Variants in SEL1L3 observed in about 807,000 individuals in gnomAD.
SEL1L3 encodes SEL1L family member 3.
Under a neutral mutation model 142.8 loss-of-function variants are expected in SEL1L3, and 76 were observed. The observed-to-expected ratio is 0.53, with a 90% confidence interval of 0.44 to 0.64. SEL1L3 has a LOEUF of 0.64. SEL1L3 is among the 30% of genes least tolerant of loss of function. The pLI, the probability that SEL1L3 is intolerant of heterozygous loss-of-function variation, is 0.00. For missense variants in SEL1L3, 1,262 were observed against 1,381.7 expected (o/e 0.91, Z 1.37); for synonymous variants, 504 against 519.6 (o/e 0.97, Z 0.41).
At chr4:25,813,336 G>A (rs1248091632) in intron 9 of SEL1L3, among the ~76,000 whole-genome samples, 4 of 152,188 alleles carry the variant, frequency 2.6e-5, no homozygotes, top group Non-Finnish European at 2.9e-5. Flanking sequence ...TAAATAAAGT[G>A]TGGTATAAAC....
intron 20 of SEL1L3, among the ~76,000 whole-genome samples, chr4:25,764,203 A>G (rs1718569139): frequency 6.6e-6 from 1 of 152,222 alleles, no homozygotes; most frequent in Non-Finnish European, 1.5e-5. Context: ...TTCTTCAAGT[A>G]TCAAGAGTCA....
chr4:25,726,344 A>G, the SEL1L3 span, among the ~76,000 whole-genome samples: 1 of 152,118 alleles, frequency 6.6e-6, no homozygotes, highest in South Asian at 2.1e-4. Context: ...CCTGACCAAC[A>G]TGGTGAAACC....
downstream of SEL1L3, among the ~76,000 whole-genome samples, chr4:25,743,682 A>T (rs1178262617): frequency 1.3e-5 from 2 of 152,222 alleles, no homozygotes; most frequent in African/African-American, 4.8e-5. Context: ...GCTTTTCCAA[A>T]GGAGCCAATC....
chr4:25,794,417 AG>A (rs1359376439), intron 11 of SEL1L3, among the ~76,000 whole-genome samples: 8 of 152,250 alleles, frequency 5.3e-5, no homozygotes, highest in Admixed American at 2.6e-4. Context: ...CAACAAATGT[AG>A]GGGAAAAAAA....
At chr4:25,856,944 G>A (rs903747144) in intron 1 of SEL1L3, among the ~76,000 whole-genome samples, 1 of 152,144 alleles carries the variant, frequency 6.6e-6, no homozygotes, top group Non-Finnish European at 1.5e-5. Flanking sequence ...ATCTTGCTAC[G>A]GGAAGTTCAT....
the SEL1L3 span, among the ~76,000 whole-genome samples, chr4:25,738,925 G>A: frequency 8.5e-5 from 13 of 152,254 alleles, no homozygotes; most frequent in Admixed American, 5.9e-4. Flanking sequence ...CTGGAGGTTG[G>A]CTGGGCACAG....
intron 2 of SEL1L3, among the ~76,000 whole-genome samples, chr4:25,835,966 A>G (rs1182215176): frequency 6.6e-6 from 1 of 152,188 alleles, no homozygotes; most frequent in Non-Finnish European, 1.5e-5. Context: ...TCGAAAACTG[A>G]GCATCAGAGA....
At chr4:25,834,382 G>A (rs1444454895) in intron 3 of SEL1L3, among the ~76,000 whole-genome samples, 4 of 152,202 alleles carry the variant, frequency 2.6e-5, no homozygotes, top group African/African-American at 4.8e-5. Flanking sequence ...ATTACATTTT[G>A]TATGTGAAAC....
chr4:25,826,921 C>G (rs1459658878), intron 6 of SEL1L3, among the ~76,000 whole-genome samples: 1 of 152,164 alleles, frequency 6.6e-6, no homozygotes, highest in African/African-American at 2.4e-5. Flanking sequence ...GCCTCAGCCT[C>G]CCAAAGTGCT....
At chr4:25,777,586 C>T (rs909599016) in intron 16 of SEL1L3, 1 of 321,112 alleles carries the variant, frequency 3.1e-6, no homozygotes, top group East Asian at 8.2e-5. Context: ...TGACCATATA[C>T]CAATCATAAA....
chr4:25,784,207 CT>C lies in SEL1L3; in HGVS notation c.2280+20del. The C allele has an allele frequency of 6.3e-7, 1 of 1,599,980 alleles. No individual in the cohort carries two copies. The highest frequency in any genetic ancestry group is 8.6e-7 in the Non-Finnish European group (1 of 1,167,174). On this transcript the variant is annotated intron_variant, in intron 14 of 23. Transcript: ENST00000399878. The stretch of plus-strand genomic sequence containing the variant: ...GAGTGTGTGGTGGAACTGTTTCCCT[CT>C]GACAATATGCATGTGTTACCTTGGA...
the SEL1L3 span, among the ~76,000 whole-genome samples, chr4:25,714,727 T>G: frequency 5.3e-5 from 8 of 151,880 alleles, no homozygotes; most frequent in South Asian, 1.7e-3. Flanking sequence ...TGCACCACCA[T>G]GCCCGGCTAA....
At chr4:25,753,685 C>T (rs944034112) in intron 23 of SEL1L3, among the ~76,000 whole-genome samples, 1 of 152,234 alleles carries the variant, frequency 6.6e-6, no homozygotes, top group African/African-American at 2.4e-5. Context: ...TAACTTCCTA[C>T]TTAAAAATTA....
chr4:25,795,054 G>T (rs537162637), intron 11 of SEL1L3, among the ~76,000 whole-genome samples: 8 of 150,308 alleles, frequency 5.3e-5, no homozygotes, highest in Non-Finnish European at 1.2e-4. Context: ...GGGGCCTCTT[G>T]GGGGGTGGGG....
chr4:25,768,749 AATG>A (rs758262645), intron 17 of SEL1L3, among the ~76,000 whole-genome samples: 28 of 152,342 alleles, frequency 1.8e-4, no homozygotes, highest in Admixed American at 1.4e-3. Context: ...TGGCCATTAA[AATG>A]ATGTGTGGCA....
intron 6 of SEL1L3, among the ~76,000 whole-genome samples, chr4:25,827,279 C>G (rs969542262): frequency 1.3e-5 from 2 of 152,194 alleles, no homozygotes; most frequent in South Asian, 2.1e-4. Flanking sequence ...ATAGGGTGAT[C>G]GCAGACATAA....
chr4:25,778,639 A>T (rs1455289922), intron 16 of SEL1L3, among the ~76,000 whole-genome samples: 1 of 152,144 alleles, frequency 6.6e-6, no homozygotes, highest in African/African-American at 2.4e-5. Context: ...GAGTGAGCTG[A>T]GTAGTGGGAG....
chr4:25,725,804 G>C, the SEL1L3 span, among the ~76,000 whole-genome samples: 56,560 of 151,874 alleles, frequency 0.37, 11,797 homozygotes, highest in African/African-American at 0.57. Flanking sequence ...CATTTGTAAA[G>C]TGTCACAGCA....
intron 9 of SEL1L3, among the ~76,000 whole-genome samples, chr4:25,808,345 A>G (rs1332729915): frequency 2.6e-5 from 4 of 152,220 alleles, no homozygotes; most frequent in Admixed American, 6.5e-5. Flanking sequence ...TTTTCCATGT[A>G]GCCCAGAATC....
Sources: gnomAD v4.1 joint callset for allele counts (sites outside exome capture counted in the v4.1 genomes callset) on GRCh38, gnomAD v4.1.1 for gene constraint, MANE v1.5 for transcripts, NCBI Gene and HGNC (gene_info 2026-07-23, HGNC 2026-07-21) for gene names.